The following PPP2R2B variants were observed in gnomAD, a reference collection of about 807,000 sequenced individuals.
PPP2R2B encodes the protein serine/threonine-protein phosphatase 2A 55 kDa regulatory subunit B beta isoform.
A neutral mutation model predicts 46.0 loss-of-function variants in PPP2R2B; 5 were observed. The observed-to-expected ratio is 0.11, with a 90% CI of 0.06 to 0.23. The LOEUF (loss-of-function observed/expected upper bound fraction) is 0.23, where lower values mean the gene tolerates loss of function less well. PPP2R2B is among the 10% of genes least tolerant of loss of function. The probability of loss-of-function intolerance (pLI) is 1.00; values close to 1 mark genes in which losing one functional copy is unlikely to be tolerated. For synonymous variants in PPP2R2B, 215 were observed against 206.7 expected (o/e 1.04, Z -0.34); for missense variants, 367 against 575.0 (o/e 0.64, Z 3.70).
chr5:146,841,367 C>T (rs1002657230), intron 2 of PPP2R2B, among the ~76,000 whole-genome samples: 2 of 152,112 alleles, frequency 1.3e-5, no homozygotes, highest in African/African-American at 2.4e-5. Flanking sequence ...TTCAGTCCAA[C>T]TAGCTTCCAC....
intron 2 of PPP2R2B, among the ~76,000 whole-genome samples, chr5:146,780,351 G>C (rs1238918266): frequency 1.2e-4 from 18 of 152,144 alleles, no homozygotes. Flanking sequence ...TAATAAAGTA[G>C]ATTAAAAATG....
At chr5:146,818,182 G>A (rs146011979) in intron 2 of PPP2R2B, among the ~76,000 whole-genome samples, 27 of 152,148 alleles carry the variant, frequency 1.8e-4, no homozygotes, top group Admixed American at 2.0e-4. Context: ...ATCAAAGTAC[G>A]TCTTTCCCGC....
At chr5:146,885,759 A>G (rs767396469) in intron 1 of PPP2R2B, among the ~76,000 whole-genome samples, 1 of 152,216 alleles carries the variant, frequency 6.6e-6, no homozygotes, top group Non-Finnish European at 1.5e-5. Context: ...ACAAAATGTT[A>G]TATGTCCATA....
chr5:146,623,961 T>C (rs145004335), intron 7 of PPP2R2B, among the ~76,000 whole-genome samples: 82 of 152,284 alleles, frequency 5.4e-4, no homozygotes, highest in African/African-American at 1.9e-3. Context: ...AATTAACCGA[T>C]ATACTTAAAC....
chr5:147,028,054 T>C (rs1755612463), intron 1 of PPP2R2B, among the ~76,000 whole-genome samples: 1 of 152,174 alleles, frequency 6.6e-6, no homozygotes, highest in South Asian at 2.1e-4. Flanking sequence ...CCATGCTCTC[T>C]GACTGCTGGT....
intron 1 of PPP2R2B, among the ~76,000 whole-genome samples, chr5:146,889,377 A>G (rs945744290): frequency 2.6e-5 from 4 of 152,224 alleles, no homozygotes; most frequent in Middle Eastern, 3.2e-3. Flanking sequence ...GCTTTGGGTC[A>G]CATGGTTATC....
chr5:147,018,084 G>A (rs1015270063), intron 1 of PPP2R2B, among the ~76,000 whole-genome samples: 9 of 149,914 alleles, frequency 6.0e-5, no homozygotes, highest in African/African-American at 1.7e-4. Flanking sequence ...CACACACTTA[G>A]AAGCGTTAAG....
rs1770174153 is a variant in PPP2R2B at position 146,586,566 on chromosome 5, G to A, written c.*3381C>T. 1 of 152,176 alleles carries A rather than the reference G, an allele frequency of 6.6e-6. No homozygotes were observed. Among genetic ancestry groups the A allele is most frequent in the Non-Finnish European group, 1.5e-5 (1 of 68,034 alleles). 9.4% of individuals were successfully genotyped at this position (152,176 alleles called of 1,614,324 possible). ...GAATATTCAAAGGAAGTTTAGTGGA[G>A]ATAGCTGACTTATTTCATTGGGCCA... On this transcript the variant is annotated 3_prime_UTR_variant, in exon 10 of 10. Transcript: ENST00000394411.
intron 2 of PPP2R2B, among the ~76,000 whole-genome samples, chr5:146,755,498 AT>A (rs1422613923): frequency 2.0e-5 from 3 of 152,128 alleles, no homozygotes; most frequent in African/African-American, 7.2e-5. Context: ...ATAAATGATC[AT>A]TTTTACTCAT....
rs150891837 is a variant in PPP2R2B, at chr5:146,826,226, A to C, written c.70+51776T>G. On this transcript the variant is annotated intron_variant, in intron 2 of 9. Coordinates refer to ENST00000394411, the MANE Select transcript of PPP2R2B (RefSeq NM_181675.4). ...GGAATAATTAAATATCCTGCCCAAC[A>C]TAATAAAGGGTGGCAGAGACAAAAC... 5.9e-5 allele frequency among the ~76,000 whole-genome samples: 9 copies of C among 152,266 alleles called. No individual in the cohort carries two copies. In the South Asian group the frequency reaches 1.7e-3, roughly 28 times the overall value.
intron 7 of PPP2R2B, among the ~76,000 whole-genome samples, chr5:146,623,322 C>A (rs1773829520): frequency 6.6e-6 from 1 of 152,222 alleles, no homozygotes; most frequent in Admixed American, 6.5e-5. Flanking sequence ...TCAGCATTTT[C>A]TCTTTCTGAT....
rs916191908 is a variant in PPP2R2B, at chr5:146,585,549, T to A, written c.*4398A>T. On this transcript the variant is annotated 3_prime_UTR_variant, in exon 10 of 10. Coordinates refer to ENST00000394411, the MANE Select transcript of PPP2R2B (RefSeq NM_181675.4). Reference sequence around the variant, plus strand: ...ACTATTGTATGTTAGAGCTGTATTTTAACAGCTCTGGCTTTAGAGTCAGAT... The same window carrying A: ...ACTATTGTATGTTAGAGCTGTATTTAAACAGCTCTGGCTTTAGAGTCAGAT... The A allele has an allele frequency of 2.0e-5, 3 of 152,232 alleles. No homozygotes were observed. The highest frequency in any genetic ancestry group is 7.2e-5 in the African/African-American group (3 of 41,472). The allele number at this position is 152,232 out of a possible 1,614,324, so 9.4% of individuals were successfully genotyped here. A position where few individuals can be genotyped will look rare whatever the true frequency, so the allele number is the denominator to read the frequency against.
chr5:146,638,125 C>G, intron 7 of PPP2R2B, 126 bp downstream of exon 7: 1 of 894,838 alleles, frequency 1.1e-6, no homozygotes. Context: ...GGAGCTGACT[C>G]CCACTTGTAG....
At chr5:146,707,285 G>A (rs962144294) in intron 2 of PPP2R2B, 55 of 1,554,986 alleles carry the variant, frequency 3.5e-5, no homozygotes, top group Admixed American at 2.5e-4. Flanking sequence ...TCCAGGAACC[G>A]TACCTTGTCG....
At chr5:147,003,902 A>C (rs993788404) in intron 1 of PPP2R2B, among the ~76,000 whole-genome samples, 1 of 152,140 alleles carries the variant, frequency 6.6e-6, no homozygotes, top group Non-Finnish European at 1.5e-5. Context: ...CTCGAGGGTC[A>C]ATTGATTCTA....
chr5:146,770,649 G>C (rs1754794533), intron 2 of PPP2R2B, among the ~76,000 whole-genome samples: 2 of 152,146 alleles, frequency 1.3e-5, no homozygotes. Flanking sequence ...AAAATGTTAA[G>C]GGCAACAAGT....
At chr5:147,049,254 T>C (rs941880004) in intron 1 of PPP2R2B, among the ~76,000 whole-genome samples, 7 of 152,086 alleles carry the variant, frequency 4.6e-5, no homozygotes, top group Admixed American at 6.6e-5. Context: ...ACCATAGAAT[T>C]GTAAGAATGA....
At chr5:146,789,309 C>A (rs558113376) in intron 2 of PPP2R2B, among the ~76,000 whole-genome samples, 4 of 152,118 alleles carry the variant, frequency 2.6e-5, no homozygotes, top group Admixed American at 2.0e-4. Context: ...GTGACATAAC[C>A]CTTTCAGTCT....
rs149010959 is a variant in PPP2R2B, at chr5:146,635,167, G to A, written c.790+3084C>T. On this transcript the variant is annotated intron_variant, in intron 7 of 9. Transcript: ENST00000394411. ...CTTAATATTTCTACTTTCAAATGAG[G>A]AATCTGGGGCTCAAAATGATTAAAT... 7.9e-5 allele frequency among the ~76,000 whole-genome samples: 12 copies of A among 152,208 alleles called. No homozygotes were observed. In the East Asian group the frequency reaches 2.1e-3, roughly 27 times the overall value.
Sources: gnomAD v4.1 joint callset for allele counts (sites outside exome capture counted in the v4.1 genomes callset) on GRCh38, gnomAD v4.1.1 for gene constraint, MANE v1.5 for transcripts, NCBI Gene and HGNC (gene_info 2026-07-23, HGNC 2026-07-21) for gene names.